VWCE: variants seen among roughly 807,000 people sequenced by gnomAD.
VWCE encodes the protein von Willebrand factor C and EGF domain-containing protein.
A neutral mutation model predicts 102.9 loss-of-function variants in VWCE; 68 were observed. The observed-to-expected ratio is 0.66, with a 90% CI of 0.54 to 0.81. The LOEUF (loss-of-function observed/expected upper bound fraction) is 0.81, where lower values mean the gene tolerates loss of function less well. VWCE is among the 30% of genes least tolerant of loss of function. VWCE has a pLI of 0.00. For synonymous variants in VWCE, 497 were observed against 515.4 expected (o/e 0.96, Z 0.48); for missense variants, 1,137 against 1,263.6 (o/e 0.90, Z 1.52).
intron 11 of VWCE, among the ~76,000 whole-genome samples, chr11:61,274,849 G>C (rs1362073047): frequency 6.6e-6 from 1 of 152,164 alleles, no homozygotes; most frequent in Non-Finnish European, 1.5e-5. Context: ...ATCTCTTGCA[G>C]CCAGGAGTTT....
chr11:61,294,693 C>A lies in VWCE; in HGVS notation c.110+235G>T, dbSNP rs1380576743. Among the ~76,000 whole-genome samples, 3 of 152,190 alleles carry A rather than the reference C, an allele frequency of 2.0e-5. No individual in the cohort carries two copies. The East Asian group carries it at 5.8e-4, about 29-fold the overall frequency. ...GTCACCCAACGCCTGGACCTCCGAT[C>A]TCCCAGGTCCCAGTCTGGACAGCCC... On this transcript the variant is annotated intron_variant, in intron 1 of 19. Coordinates refer to ENST00000335613, the MANE Select transcript of VWCE (RefSeq NM_152718.2). The surrounding 1 kb of genome is among the most constrained non-coding windows in gnomAD (Gnocchi z 6.3).
intron 18 of VWCE, 112 bp downstream of exon 18, chr11:61,264,844 T>C (rs943814685): frequency 1.8e-5 from 21 of 1,193,330 alleles, no homozygotes; most frequent in Non-Finnish European, 2.4e-5. Flanking sequence ...AGGCGGAGGA[T>C]GGCAGGAGGA....
intron 10 of VWCE, 35 bp downstream of exon 10, chr11:61,278,359 C>T (rs1854996288): frequency 6.2e-7 from 1 of 1,610,608 alleles, no homozygotes; most frequent in Non-Finnish European, 8.5e-7. Flanking sequence ...GTTAAGAAAA[C>T]ACCCACGAGG....
chr11:61,282,788 C>T lies in VWCE; in HGVS notation c.658+1G>A, dbSNP rs780259462. 2.5e-6 allele frequency: 4 copies of T among 1,613,568 alleles called. No homozygotes were observed. The African/African-American group carries it at 5.3e-5, about 22-fold the overall frequency. ...AGACCACAGGGTCCTCCCCGCCTTA[C>T]CTACACAGGAGTGCCGGTTGCCATG... On this transcript the variant is annotated splice_donor_variant, in intron 6 of 19. Coordinates refer to ENST00000335613, the MANE Select transcript of VWCE (RefSeq NM_152718.2). LOFTEE classifies it high-confidence loss of function.
At position 61,280,988 on chromosome 11, in the gene VWCE, C is replaced by CACTG; in HGVS notation, c.1031_1034dup (p.Pro346SerfsTer31). 1 of 1,550,130 alleles carries CACTG rather than the reference C, an allele frequency of 6.5e-7. No homozygotes were observed. Among genetic ancestry groups the CACTG allele is most frequent in the Non-Finnish European group, 8.7e-7 (1 of 1,149,082 alleles). Reference sequence around the variant, plus strand: ...GGTTCCCCAGCAGGGAGGCAGTAGGCACTGGGGTGGCCAGCAGGGTGGACA... The same window carrying CACTG: ...GGTTCCCCAGCAGGGAGGCAGTAGGCACTGACTGGGGTGGCCAGCAGGGTGGACA... On this transcript the variant is annotated frameshift_variant, in exon 8 of 20. Coordinates refer to ENST00000335613, the MANE Select transcript of VWCE (RefSeq NM_152718.2). LOFTEE classifies it high-confidence loss of function.
intron 1 of VWCE, among the ~76,000 whole-genome samples, chr11:61,293,880 A>C (rs1039641250): frequency 6.6e-6 from 1 of 152,192 alleles, no homozygotes; most frequent in African/African-American, 2.4e-5. Context: ...AGGTCATCAC[A>C]GAAGAAAGGG....
At position 61,290,910 on chromosome 11, in the gene VWCE, C is replaced by T. The variant is rs372221961; in HGVS notation, c.313G>A (p.Gly105Arg). 1.2e-5 allele frequency: 19 copies of T among 1,613,740 alleles called. No homozygotes were observed. Among genetic ancestry groups the T allele is most frequent in the Non-Finnish European group, 1.6e-5 (19 of 1,179,980 alleles). Reference sequence around the variant, plus strand: ...CAGGTAAGGTCACAGCCGTACTCCCCACATGGTCCATGGGTTTCTAGAGCA... The same window carrying T: ...CAGGTAAGGTCACAGCCGTACTCCCTACATGGTCCATGGGTTTCTAGAGCA... ...ATCPETHGPC[G>R]EYGCDLTCNH... is the part of the protein sequence containing the mutation. The change falls in exon 4 of 20, where the codon GGG (glycine) becomes AGG (arginine). Residue 105 changes from glycine to arginine, a missense_variant. This residue lies in a region of VWCE where 575 missense variants were observed against 625.9 expected (regional missense o/e 0.92). Coordinates refer to ENST00000335613, the MANE Select transcript of VWCE (RefSeq NM_152718.2).
intron 4 of VWCE, among the ~76,000 whole-genome samples, chr11:61,287,784 A>C (rs546944876): frequency 7.2e-5 from 11 of 152,206 alleles, no homozygotes; most frequent in African/African-American, 2.6e-4. Flanking sequence ...GCTCCTTGCA[A>C]ACTGTACTGA....
At chr11:61,282,313 G>T (rs999053171) in intron 6 of VWCE, among the ~76,000 whole-genome samples, 5 of 152,156 alleles carry the variant, frequency 3.3e-5, no homozygotes, top group African/African-American at 9.7e-5. Flanking sequence ...ACCTAACTCC[G>T]CTAGAACAAG....
rs975327523 is a variant in VWCE at position 61,294,288 on chromosome 11, C to A, written c.110+640G>T. On this transcript the variant is annotated intron_variant, in intron 1 of 19. Coordinates refer to ENST00000335613, the MANE Select transcript of VWCE (RefSeq NM_152718.2). This position sits in a 1 kb window ranked among gnomAD's most constrained non-coding sequence, Gnocchi z 6.3. ...GCGCGCCCCCCGGAGGACGTGGCCG[C>A]GGGCCAGGCCGCCTGCTGACACAGT... Among the ~76,000 whole-genome samples the A allele has an allele frequency of 6.6e-6, 1 of 152,162 alleles. No homozygotes were observed. The highest frequency in any genetic ancestry group is 2.4e-5 in the African/African-American group (1 of 41,440).
chr11:61,264,379 G>A, intron 19 of VWCE, 108 bp downstream of exon 19: 1 of 1,173,806 alleles, frequency 8.5e-7, no homozygotes, highest in Non-Finnish European at 1.2e-6. Context: ...TTCCCTCTCT[G>A]AACATGGCTT....
At chr11:61,270,805 T>C (rs1405381427) in intron 14 of VWCE, among the ~76,000 whole-genome samples, 1 of 151,422 alleles carries the variant, frequency 6.6e-6, no homozygotes, top group African/African-American at 2.4e-5. Flanking sequence ...TCCCTGCACA[T>C]GCACACTGTG....
Position 61,291,594 on chromosome 11 carries a change from G to A in VWCE, c.111-18C>T. ...GTCGGCGTCTGCAAGAGAAGAGAGA[G>A]CACTTTCCTCATTCTATACTGGGGG... On this transcript the variant is annotated intron_variant, in intron 1 of 19. Transcript: ENST00000335613. 1 of 1,425,432 alleles carries A rather than the reference G, an allele frequency of 7.0e-7. No homozygotes were observed. Among genetic ancestry groups the A allele is most frequent in the Non-Finnish European group, 9.2e-7 (1 of 1,083,528 alleles). 88.3% of individuals were successfully genotyped at this position (1,425,432 alleles called of 1,614,324 possible).
chr11:61,277,066 T>G (rs1416580395), intron 10 of VWCE, among the ~76,000 whole-genome samples: 1,035 of 46,136 alleles, frequency 0.022, no homozygotes, highest in Middle Eastern at 0.034. Flanking sequence ...GAGGGAGGGA[T>G]GGAGGGAAGG....
intron 5 of VWCE, among the ~76,000 whole-genome samples, chr11:61,284,179 C>T (rs1855235252): frequency 1.3e-5 from 2 of 151,110 alleles, no homozygotes; most frequent in Admixed American, 1.3e-4. Context: ...GCCTGGGCAA[C>T]ACAGCAAGAC....
chr11:61,285,399 C>A (rs1405253315), intron 5 of VWCE, among the ~76,000 whole-genome samples: 1 of 152,120 alleles, frequency 6.6e-6, no homozygotes, highest in African/African-American at 2.4e-5. Context: ...ATTGTAAGAT[C>A]TCTCATCCTG....
Position 61,290,943 on chromosome 11 carries a change from C to T in VWCE, c.296-16G>A. On this transcript the variant is annotated splice_polypyrimidine_tract_variant and intron_variant, in intron 3 of 19. Transcript: ENST00000335613. ...CCATGGGTTTCTAGAGCAGGCATCA[C>T]ACCAGTGAGCATGCACCCCGTGGCA... is the stretch of plus-strand genomic sequence containing the variant. 6.2e-7 allele frequency: 1 copy of T among 1,609,248 alleles called. No homozygotes were observed. Among genetic ancestry groups the T allele is most frequent in the Middle Eastern group, 1.7e-4 (1 of 6,044 alleles).
At chr11:61,266,690 T>C (rs979158272) in intron 16 of VWCE, among the ~76,000 whole-genome samples, 2 of 152,222 alleles carry the variant, frequency 1.3e-5, no homozygotes, top group Non-Finnish European at 2.9e-5. Flanking sequence ...CTCAGTACTT[T>C]GATTAACTAG....
In VWCE at chr11:61,267,501, G is replaced by A. The variant is rs745685826; in HGVS notation, c.1926C>T (p.Phe642=). ...TGRIFYNNET[F]PSVLDPCLSC... ...TCAGACATGGGTCCAGCACAGACGG[G>A]AAGGTCTCGTTGTTATAGAAGATTC... Residue 642 remains phenylalanine, a synonymous_variant, in exon 16 of 20, where the codon TTC becomes TTT. Transcript: ENST00000335613. 1 of 1,614,204 alleles carries A rather than the reference G, an allele frequency of 6.2e-7. No homozygotes were observed. Among genetic ancestry groups the A allele is most frequent in the Non-Finnish European group, 8.5e-7 (1 of 1,180,044 alleles).
Sources: allele counts gnomAD v4.1 joint callset (sites outside exome capture counted in the v4.1 genomes callset), GRCh38; gene constraint gnomAD v4.1.1; regional missense constraint gnomAD v4.1.1; non-coding constraint Gnocchi (gnomAD v3.1); transcripts MANE v1.5; gene names NCBI Gene and HGNC (gene_info 2026-07-23, HGNC 2026-07-21).